UGT3A1: variants seen among roughly 807,000 people sequenced by gnomAD.
UGT3A1 encodes UDP glycosyltransferase family 3 member A1.
A neutral mutation model predicts 37.6 loss-of-function variants in UGT3A1; 40 were observed. The observed-to-expected ratio is 1.06, with a 90% confidence interval of 0.83 to 1.38. The LOEUF is 1.38. UGT3A1 is among the 40% of genes most tolerant of loss of function. The pLI, the probability that UGT3A1 is intolerant of heterozygous loss-of-function variation, is 0.00. For synonymous variants in UGT3A1, 256 were observed against 232.3 expected (o/e 1.10, Z -0.93); for missense variants, 642 against 634.2 (o/e 1.01, Z -0.13).
intron 2 of UGT3A1, among the ~76,000 whole-genome samples, chr5:35,976,989 GAGAA>G (rs1233293949): frequency 5.5e-5 from 8 of 146,514 alleles, no homozygotes; most frequent in African/African-American, 7.7e-5. Flanking sequence ...AGAAGAGAAA[GAGAA>G]AGAAAGAAAA....
At chr5:35,987,876 C>T (rs1464578739) in intron 2 of UGT3A1, among the ~76,000 whole-genome samples, 1 of 152,184 alleles carries the variant, frequency 6.6e-6, no homozygotes, top group African/African-American at 2.4e-5. Context: ...TTATGAGTTT[C>T]ATTTTAGTTA....
At position 35,962,827 on chromosome 5, in the gene UGT3A1, T is replaced by C. The variant is rs572418611; in HGVS notation, c.843+2559A>G. 4.3e-6 allele frequency: 3 copies of C among 697,676 alleles called. No individual in the cohort carries two copies. The East Asian group carries it at 8.1e-5, about 19-fold the overall frequency. The allele number at this position is 697,676 out of a possible 1,614,324, so 43.2% of individuals were successfully genotyped here. A position where few individuals can be genotyped will look rare whatever the true frequency, so the allele number is the denominator to read the frequency against. The stretch of plus-strand genomic sequence containing the variant: ...CTGAGGGTCAAAGCAGACTCAGTGG[T>C]TCAGGATACACAGGCTAGGAGGTGT... On this transcript the variant is annotated intron_variant, in intron 4 of 6. Transcript: ENST00000274278.
chr5:35,998,561 G>C (rs1289749080), intron 1 of UGT3A1, among the ~76,000 whole-genome samples: 1 of 152,132 alleles, frequency 6.6e-6, no homozygotes, highest in African/African-American at 2.4e-5. Flanking sequence ...CTCTTGCTGG[G>C]ACTTTTCGAC....
chr5:35,992,275 TCACCTAGACATGTTCATTGTGGAG>T (rs1740975103), upstream of UGT3A1, among the ~76,000 whole-genome samples: 1 of 152,124 alleles, frequency 6.6e-6, no homozygotes, highest in Non-Finnish European at 1.5e-5. Context: ...TGTGCATCCT[TCACCTAGACATGTTCATTGTGGAG>T]AGGGAGGAAA....
chr5:35,954,152 C>A lies in UGT3A1; in HGVS notation c.*50G>T. On this transcript the variant is annotated 3_prime_UTR_variant, in exon 7 of 7. Transcript: ENST00000274278. ...GTGGCGTGTGCTGGGGTGGGGAGAACCTTCAAAGGACCAGGGATGCCCTCC... is the reference window on the plus strand; with the variant it reads ...GTGGCGTGTGCTGGGGTGGGGAGAAACTTCAAAGGACCAGGGATGCCCTCC... 1 of 1,581,182 alleles carries A rather than the reference C, an allele frequency of 6.3e-7. No individual in the cohort carries two copies. The highest frequency in any genetic ancestry group is 1.2e-5 in the South Asian group (1 of 85,164).
intron 3 of UGT3A1, among the ~76,000 whole-genome samples, chr5:35,966,995 A>G (rs1416748620): frequency 1.3e-5 from 2 of 152,240 alleles, no homozygotes; most frequent in African/African-American, 4.8e-5. Flanking sequence ...GATAAATTCA[A>G]TATATACAGT....
chr5:35,969,731 G>A lies in UGT3A1; in HGVS notation c.197-1598C>T, dbSNP rs369472285. On this transcript the variant is annotated intron_variant, in intron 2 of 6. Coordinates refer to ENST00000274278, the MANE Select transcript of UGT3A1 (RefSeq NM_152404.4). Reference sequence around the variant, plus strand: ...CAGATCAAATACACCCCTGCGAACCGTAATAACCTTAATCAACAATTGGGC... The same window carrying A: ...CAGATCAAATACACCCCTGCGAACCATAATAACCTTAATCAACAATTGGGC... Among the ~76,000 whole-genome samples the A allele has an allele frequency of 7.2e-5, 11 of 152,172 alleles. 1 individual carries two copies. Among genetic ancestry groups the A allele is most frequent in the African/African-American group, 2.2e-4 (9 of 41,500 alleles).
intron 2 of UGT3A1, among the ~76,000 whole-genome samples, chr5:35,984,311 A>AT (rs745570530): frequency 5.9e-5 from 9 of 152,184 alleles, no homozygotes; most frequent in Admixed American, 2.0e-4. Context: ...TGGCTTGAGA[A>AT]TTGATGCTCA....
At chr5:35,973,912 CTAAT>C (rs1366376850) in intron 2 of UGT3A1, among the ~76,000 whole-genome samples, 1 of 152,118 alleles carries the variant, frequency 6.6e-6, no homozygotes, top group Non-Finnish European at 1.5e-5. Context: ...AGAGCATTAG[CTAAT>C]TAATCATGGC....
At chr5:35,994,634 C>T (rs2111580104), upstream of UGT3A1, among the ~76,000 whole-genome samples, 1 of 152,192 alleles carries the variant, frequency 6.6e-6, no homozygotes, top group South Asian at 2.1e-4. Context: ...GAGCTGACCC[C>T]TCCCACACCT....
chr5:35,992,090 T>G (rs1031454300), upstream of UGT3A1, among the ~76,000 whole-genome samples: 6 of 152,144 alleles, frequency 3.9e-5, no homozygotes, highest in Non-Finnish European at 8.8e-5. Flanking sequence ...AAACCAAGAC[T>G]TTCGGAAAGG....
chr5:35,972,951 T>C (rs956726606), intron 2 of UGT3A1, among the ~76,000 whole-genome samples: 7 of 151,892 alleles, frequency 4.6e-5, no homozygotes, highest in Non-Finnish European at 1.0e-4. Flanking sequence ...CCCAGTCTCC[T>C]CCTGAGACTG....
At chr5:35,985,787 A>G (rs1740705886) in intron 2 of UGT3A1, among the ~76,000 whole-genome samples, 1 of 152,202 alleles carries the variant, frequency 6.6e-6, no homozygotes, top group Non-Finnish European at 1.5e-5. Flanking sequence ...ATTCCAAGAC[A>G]TTGGTCTCAG....
intron 1 of UGT3A1, chr5:35,990,823 G>A (rs916639556): frequency 1.3e-6 from 1 of 789,246 alleles, no homozygotes; most frequent in Non-Finnish European, 1.7e-6. Context: ...GTCCCACTGC[G>A]CTCTAGAGAA....
rs147498846 is a variant in UGT3A1, at chr5:35,983,711, G to A, written c.196+4739C>T. Among the ~76,000 whole-genome samples the A allele has an allele frequency of 5.3e-3, 804 of 152,162 alleles. 6 individuals are homozygous for A. The highest frequency in any genetic ancestry group is 0.019 in the African/African-American group (780 of 41,506). ...AAAGATCATTCACCATGATCAAGTG[G>A]GATTCATCCCAGGGATGCAAGAGTA... On this transcript the variant is annotated intron_variant, in intron 2 of 6. Coordinates refer to ENST00000274278, the MANE Select transcript of UGT3A1 (RefSeq NM_152404.4).
At chr5:35,997,265 C>G (rs922049339) in exon 2 of UGT3A1, 1 of 152,178 alleles carries the variant, frequency 6.6e-6, no homozygotes, top group Non-Finnish European at 1.5e-5. Context: ...AGTTGTGGGT[C>G]TCTGCAGTGC....
chr5:35,993,704 C>T (rs1008481458), upstream of UGT3A1, among the ~76,000 whole-genome samples: 7 of 152,122 alleles, frequency 4.6e-5, no homozygotes, highest in Admixed American at 3.9e-4. Context: ...TCTCTATTGA[C>T]GTCTAGTAAC....
intron 3 of UGT3A1, 136 bp from the exon 4 acceptor site, chr5:35,966,053 T>A (rs889243793): frequency 5.9e-6 from 4 of 676,752 alleles, no homozygotes; most frequent in Non-Finnish European, 9.1e-6. Flanking sequence ...CTACAATGTT[T>A]CAACAAATAC....
intron 3 of UGT3A1, among the ~76,000 whole-genome samples, chr5:35,966,217 A>AC (rs1739804000): frequency 6.6e-6 from 1 of 152,222 alleles, no homozygotes; most frequent in African/African-American, 2.4e-5. Context: ...AGCAGATCTC[A>AC]GAGTTATATG....
Sources: gnomAD v4.1 joint callset for allele counts (sites outside exome capture counted in the v4.1 genomes callset) on GRCh38, gnomAD v4.1.1 for gene constraint, MANE v1.5 for transcripts, NCBI Gene and HGNC (gene_info 2026-07-23, HGNC 2026-07-21) for gene names.